The following PIBF1 variants were observed in gnomAD, a reference collection of about 807,000 sequenced individuals.
PIBF1 encodes progesterone immunomodulatory binding factor 1.
Under a neutral mutation model 112.5 loss-of-function variants are expected in PIBF1, and 90 were observed. The ratio of observed to expected loss-of-function variants is 0.80; its 90% CI spans 0.67 to 0.95. The LOEUF (loss-of-function observed/expected upper bound fraction) is 0.95, where lower values mean the gene tolerates loss of function less well. Ranked by LOEUF, PIBF1 falls within the 40% of genes least tolerant of loss-of-function variation. The pLI, the probability that PIBF1 is intolerant of heterozygous loss-of-function variation, is 0.00. For synonymous variants in PIBF1, 301 were observed against 288.6 expected (o/e 1.04, Z -0.44); for missense variants, 915 against 852.3 (o/e 1.07, Z -0.92).
At chr13:72,996,571 T>C (rs1407691760) in intron 16 of PIBF1, among the ~76,000 whole-genome samples, 1 of 152,170 alleles carries the variant, frequency 6.6e-6, no homozygotes. Flanking sequence ...GAGAATCACT[T>C]AAGGCCAGGA....
intron 13 of PIBF1, among the ~76,000 whole-genome samples, chr13:72,930,714 T>C (rs2138763231): frequency 6.6e-6 from 1 of 152,336 alleles, no homozygotes; most frequent in South Asian, 2.1e-4. Flanking sequence ...TGTTTTATAT[T>C]ATAACATGCA....
intron 10 of PIBF1, among the ~76,000 whole-genome samples, chr13:72,864,186 C>G (rs2038826048): frequency 6.6e-6 from 1 of 152,148 alleles, no homozygotes; most frequent in Admixed American, 6.5e-5. Context: ...GTGTGTGACT[C>G]ATAAATTAGC....
intron 2 of PIBF1, 109 bp from the exon 3 acceptor site, chr13:72,792,336 CTA>C (rs2034975786): frequency 2.9e-6 from 2 of 681,840 alleles, no homozygotes; most frequent in East Asian, 6.0e-5. Context: ...CCTGGTCCCT[CTA>C]TCCATTTTTA....
chr13:72,906,641 G>T (rs1479715613), intron 11 of PIBF1, among the ~76,000 whole-genome samples: 1 of 152,050 alleles, frequency 6.6e-6, no homozygotes, highest in Admixed American at 6.6e-5. Flanking sequence ...CACATCAGTA[G>T]TTTTTCAGGA....
At position 72,863,530 on chromosome 13, in the gene PIBF1, C is replaced by T. The variant is rs368453875; in HGVS notation, c.1322+9375C>T. On this transcript the variant is annotated intron_variant, in intron 10 of 17. Coordinates refer to ENST00000326291, the MANE Select transcript of PIBF1 (RefSeq NM_006346.4). ...AAAATTATCCAGGCGTGGTGGTGGG[C>T]ACCTGTAGTCCTAGCTGCTGAGGAG... is the stretch of plus-strand genomic sequence containing the variant. Among the ~76,000 whole-genome samples, 37 of 151,300 alleles carry T rather than the reference C, an allele frequency of 2.4e-4. No homozygotes were observed. In the East Asian group the frequency reaches 5.4e-3, roughly 22 times the overall value.
At chr13:72,835,134 C>G in intron 8 of PIBF1, 109 bp from the exon 9 acceptor site, 1 of 654,368 alleles carries the variant, frequency 1.5e-6, no homozygotes, top group South Asian at 5.0e-5. Context: ...TTTCAGGTAA[C>G]ACAGTTTATA....
Position 72,991,939 on chromosome 13 carries a change from T to C in PIBF1, c.2050-6883T>C, listed in dbSNP as rs933116647. Among the ~76,000 whole-genome samples the C allele has an allele frequency of 4.6e-5, 7 of 152,210 alleles. No individual in the cohort carries two copies. The East Asian group carries it at 5.8e-4, about 13-fold the overall frequency. Reference sequence around the variant, plus strand: ...TTCACCATGTTAGCCAGGATGGTCTTGATCTCCTGACCTCGTGATCCACCC... The same window carrying C: ...TTCACCATGTTAGCCAGGATGGTCTCGATCTCCTGACCTCGTGATCCACCC... On this transcript the variant is annotated intron_variant, in intron 16 of 17. Transcript: ENST00000326291.
Position 72,893,804 on chromosome 13 carries a change from G to C in PIBF1, c.1343G>C (p.Ser448Thr), listed in dbSNP as rs1219654646. 6.3e-7 allele frequency: 1 copy of C among 1,598,326 alleles called. No homozygotes were observed. Among genetic ancestry groups the C allele is most frequent in the African/African-American group, 1.3e-5 (1 of 74,090 alleles). ...LLDRYRELQL[S>T]TESKVTEFLH... ...TTCAGGTACAGAGAACTACAACTTA[G>C]TACAGAAAGCAAAGTAACAGAATTT... The change falls in exon 11 of 18, where the codon AGT becomes ACT. Residue 448 changes from serine to threonine, a missense_variant. Transcript: ENST00000326291.
In PIBF1 at chr13:72,783,661, A is replaced by C. The variant is rs763876062; in HGVS notation, c.192A>C (p.Lys64Asn). Residue 64 changes from lysine (K) to asparagine (N), a missense_variant, in exon 2 of 18, where the codon AAA (lysine) becomes AAC (asparagine). Lys to Asn is a moderately conservative substitution (Grantham distance 94). Coordinates refer to ENST00000326291, the MANE Select transcript of PIBF1 (RefSeq NM_006346.4). ...KELLHNIQLL[K>N]IELSQKTMMI... ...TACTTCATAATATTCAGTTACTAAA[A>C]ATTGAGCTATCCCAGAAAACTATGA... The C allele has an allele frequency of 1.5e-5, 25 of 1,613,956 alleles. No homozygotes were observed. The highest frequency in any genetic ancestry group is 2.0e-5 in the Non-Finnish European group (24 of 1,179,822).
At chr13:72,940,564 G>A (rs2041984919) in intron 14 of PIBF1, among the ~76,000 whole-genome samples, 1 of 152,024 alleles carries the variant, frequency 6.6e-6, no homozygotes, top group South Asian at 2.1e-4. Flanking sequence ...ATTATTTACT[G>A]GATGCCAGAC....
At chr13:72,877,783 CTTG>C in intron 10 of PIBF1, among the ~76,000 whole-genome samples, 1 of 139,806 alleles carries the variant, frequency 7.2e-6, no homozygotes, top group South Asian at 2.2e-4. Context: ...GAGTTTTGCT[CTTG>C]TTGTGCAGGC....
At chr13:72,850,216 A>ATC (rs2038069132) in intron 9 of PIBF1, among the ~76,000 whole-genome samples, 1 of 152,186 alleles carries the variant, frequency 6.6e-6, no homozygotes, top group African/African-American at 2.4e-5. Context: ...TCTTGGTAGA[A>ATC]GCCTTAGCTT....
chr13:72,834,443 C>T (rs552685305), intron 8 of PIBF1, among the ~76,000 whole-genome samples: 122 of 152,078 alleles, frequency 8.0e-4, no homozygotes, highest in African/African-American at 2.8e-3. Context: ...TGGGCAACAT[C>T]GAAAACCCTG....
intron 5 of PIBF1, among the ~76,000 whole-genome samples, chr13:72,800,233 G>A (rs1344505751): frequency 1.3e-5 from 2 of 152,110 alleles, no homozygotes; most frequent in Non-Finnish European, 2.9e-5. Context: ...ATAGAATTTC[G>A]CCATTTTGGC....
intron 5 of PIBF1, among the ~76,000 whole-genome samples, chr13:72,799,341 G>A (rs1010924694): frequency 6.6e-6 from 1 of 152,196 alleles, no homozygotes. Flanking sequence ...CTACTTTGCT[G>A]TACTATTAGT....
At position 72,787,648 on chromosome 13, in the gene PIBF1, A is replaced by C. The variant is rs560703390; in HGVS notation, c.252+3927A>C. Among the ~76,000 whole-genome samples, 11 of 152,146 alleles carry C rather than the reference A, an allele frequency of 7.2e-5. No individual in the cohort carries two copies. The East Asian group carries it at 2.1e-3, about 29-fold the overall frequency. Reference sequence around the variant, plus strand: ...AGGGGCTCAATTTGGTAGTGCTGCCATATACTTTTTTTTTCTTTTAATTTT... The same window carrying C: ...AGGGGCTCAATTTGGTAGTGCTGCCCTATACTTTTTTTTTCTTTTAATTTT... On this transcript the variant is annotated intron_variant, in intron 2 of 17. Transcript: ENST00000326291.
chr13:72,868,286 A>G (rs2039007735), intron 10 of PIBF1, among the ~76,000 whole-genome samples: 1 of 151,374 alleles, frequency 6.6e-6, no homozygotes, highest in African/African-American at 2.4e-5. Context: ...GAGCAACAGA[A>G]TAAAACCCTG....
At chr13:72,895,524 TA>T (rs2040246852) in intron 11 of PIBF1, among the ~76,000 whole-genome samples, 1 of 151,736 alleles carries the variant, frequency 6.6e-6, no homozygotes, top group Non-Finnish European at 1.5e-5. Context: ...AATAAATAAA[TA>T]AATGAAAATA....
In PIBF1 at chr13:72,893,923, T is replaced by C. The variant is rs767622069; in HGVS notation, c.1462T>C (p.Cys488Arg). 1.2e-6 allele frequency: 2 copies of C among 1,603,304 alleles called. No homozygotes were observed. The highest frequency in any genetic ancestry group is 1.7e-6 in the Non-Finnish European group (2 of 1,175,472). Residue 488 changes from cysteine to arginine, a missense_variant, in exon 11 of 18, where the codon TGT (cysteine) becomes CGT (arginine). By Grantham distance (180) the Cys-to-Arg change is radical. Transcript: ENST00000326291. Reference protein sequence around the residue: ...ARNLTQCQLECEKYQKKLEVL... With the variant: ...ARNLTQCQLEREKYQKKLEVL... ...AAATCTCACACAGTGTCAATTGGAA[T>C]GTGAAAAATATCAGAAAAAATTGGA...
Sources: allele counts gnomAD v4.1 joint callset (sites outside exome capture counted in the v4.1 genomes callset), GRCh38; gene constraint gnomAD v4.1.1; transcripts MANE v1.5; gene names NCBI Gene and HGNC (gene_info 2026-07-23, HGNC 2026-07-21).